The following PPP6R3 variants were observed in gnomAD, a reference collection of about 807,000 sequenced individuals.
The protein encoded by PPP6R3 is serine/threonine-protein phosphatase 6 regulatory subunit 3.
In PPP6R3, 38 loss-of-function variants were observed where a neutral mutation model predicts 110.7. The observed-to-expected ratio is 0.34, with a 90% CI of 0.26 to 0.45. PPP6R3 has a LOEUF of 0.45. Among genes scored for constraint, PPP6R3 ranks in the 20% least tolerant of loss-of-function variants. The probability of loss-of-function intolerance (pLI) is 1.00; values close to 1 mark genes in which losing one functional copy is unlikely to be tolerated. For synonymous variants in PPP6R3, 369 were observed against 373.5 expected, an observed-to-expected ratio of 0.99 and a Z score of 0.14; for missense variants, 870 against 1,062.4, an observed-to-expected ratio of 0.82 and a Z score of 2.52.
chr11:68,528,071 TTCTCTGTTC>T (rs1361485507), intron 2 of PPP6R3, among the ~76,000 whole-genome samples: 1 of 152,216 alleles, frequency 6.6e-6, no homozygotes, highest in Non-Finnish European at 1.5e-5. Context: ...TGTCTCTGTT[TTCTCTGTTC>T]TCAATTTTAT....
intron 22 of PPP6R3, among the ~76,000 whole-genome samples, chr11:68,605,570 C>T (rs1166206469): frequency 6.6e-6 from 1 of 152,108 alleles, no homozygotes; most frequent in African/African-American, 2.4e-5. Flanking sequence ...AGTATCTTTA[C>T]AGTTTGGGTG....
At chr11:68,507,806 G>A (rs2099086638) in intron 1 of PPP6R3, among the ~76,000 whole-genome samples, 1 of 152,174 alleles carries the variant, frequency 6.6e-6, no homozygotes, top group Non-Finnish European at 1.5e-5. Flanking sequence ...ATCTTTAGTT[G>A]TGTATGATAT....
At chr11:68,540,773 T>C (rs916362441) in intron 3 of PPP6R3, among the ~76,000 whole-genome samples, 2 of 152,238 alleles carry the variant, frequency 1.3e-5, no homozygotes, top group African/African-American at 4.8e-5. Flanking sequence ...AATTGAGCGA[T>C]ATTTCTCCCA....
chr11:68,581,283 A>G (rs1399707002), intron 14 of PPP6R3, among the ~76,000 whole-genome samples: 1 of 152,224 alleles, frequency 6.6e-6, no homozygotes, highest in Admixed American at 6.5e-5. Flanking sequence ...GAACATGCGA[A>G]GGGGAGGTCA....
chr11:68,546,262 T>C, intron 4 of PPP6R3, among the ~76,000 whole-genome samples: 1 of 152,236 alleles, frequency 6.6e-6, no homozygotes, highest in Admixed American at 6.5e-5. Context: ...CTGGCTGTTT[T>C]AGGAGAGTGG....
intron 10 of PPP6R3, among the ~76,000 whole-genome samples, chr11:68,569,065 T>C (rs113078128): frequency 2.6e-5 from 4 of 152,336 alleles, no homozygotes; most frequent in East Asian, 1.9e-4. Context: ...TGGCCTCTTA[T>C]AAATTTTTTT....
At chr11:68,491,604 C>T (rs1257909444) in intron 1 of PPP6R3, among the ~76,000 whole-genome samples, 6 of 152,052 alleles carry the variant, frequency 3.9e-5, no homozygotes, top group Admixed American at 3.9e-4. Context: ...CCTACTTCAG[C>T]CTCCTAAAGT....
At chr11:68,511,772 C>T (rs937932205) in intron 1 of PPP6R3, among the ~76,000 whole-genome samples, 5 of 122,128 alleles carry the variant, frequency 4.1e-5, no homozygotes, top group South Asian at 5.3e-4. Flanking sequence ...TGAGCCACTG[C>T]GCCCAGCCGT....
intron 3 of PPP6R3, among the ~76,000 whole-genome samples, chr11:68,539,453 G>A (rs779811684): frequency 6.6e-5 from 10 of 152,198 alleles, no homozygotes; most frequent in Non-Finnish European, 1.5e-4. Context: ...TGCCTTTGAG[G>A]TTGCAAGAGC....
At chr11:68,494,184 G>A (rs1429674540) in intron 1 of PPP6R3, among the ~76,000 whole-genome samples, 2 of 151,098 alleles carry the variant, frequency 1.3e-5, no homozygotes, top group African/African-American at 4.9e-5. Context: ...TTGATGTGAT[G>A]GTTACATCAT....
chr11:68,520,124 A>G (rs1166787021), intron 2 of PPP6R3, among the ~76,000 whole-genome samples: 2 of 152,176 alleles, frequency 1.3e-5, no homozygotes, highest in Non-Finnish European at 2.9e-5. Flanking sequence ...TTGAATTTGC[A>G]TATTTGACTT....
rs549021777 is a variant in PPP6R3 at position 68,607,994 on chromosome 11, C to T, written c.2451-1910C>T. 5.3e-5 allele frequency among the ~76,000 whole-genome samples: 8 copies of T among 150,690 alleles called. No individual in the cohort carries two copies. In the South Asian group the frequency reaches 1.5e-3, roughly 28 times the overall value. Reference sequence around the variant, plus strand: ...TTGTGGCCCAGGCTGATCTCAAACTCCTGGCTTCAAGTGAGCCTCCTTCCT... The same window carrying T: ...TTGTGGCCCAGGCTGATCTCAAACTTCTGGCTTCAAGTGAGCCTCCTTCCT... On this transcript the variant is annotated intron_variant, in intron 22 of 23. Coordinates refer to ENST00000393800, the MANE Select transcript of PPP6R3 (RefSeq NM_001164161.2).
At position 68,592,845 on chromosome 11, in the gene PPP6R3, G is replaced by A. The variant is rs148384874; in HGVS notation, c.1916+1139G>A. On this transcript the variant is annotated intron_variant, in intron 18 of 23. Transcript: ENST00000393800. ...CTTATGTTGAATGGATTCACTAAAT[G>A]ATGCTTGCCCACAGCATGACTAATA... Among the ~76,000 whole-genome samples the A allele has an allele frequency of 3.8e-3, 580 of 152,264 alleles. 2 individuals carry two copies. Among genetic ancestry groups the A allele is most frequent in the African/African-American group, 0.013 (556 of 41,536 alleles).
At chr11:68,581,608 A>G (rs1417764939) in intron 14 of PPP6R3, among the ~76,000 whole-genome samples, 1 of 152,228 alleles carries the variant, frequency 6.6e-6, no homozygotes, top group Non-Finnish European at 1.5e-5. Context: ...GCACTGCAGT[A>G]CAACCACTTG....
chr11:68,566,394 C>G (rs529515902), intron 9 of PPP6R3, among the ~76,000 whole-genome samples: 6 of 151,794 alleles, frequency 4.0e-5, no homozygotes, highest in Middle Eastern at 3.4e-3. Flanking sequence ...CAGTGTCTCA[C>G]TCTTGCTCAG....
At position 68,588,038 on chromosome 11, in the gene PPP6R3, T is replaced by C. The variant is rs755707918; in HGVS notation, c.1730+14T>C. On this transcript the variant is annotated intron_variant, in intron 16 of 23. Coordinates refer to ENST00000393800, the MANE Select transcript of PPP6R3 (RefSeq NM_001164161.2). ...TGACATTGGCAAGTGAGTATGTTTT[T>C]CTGTTTCCGCTGTTGCTCTTGCACA... is the stretch of plus-strand genomic sequence containing the variant. 1.2e-6 allele frequency: 2 copies of C among 1,604,358 alleles called. No individual in the cohort carries two copies. The highest frequency in any genetic ancestry group is 2.7e-5 in the African/African-American group (2 of 74,730).
intron 2 of PPP6R3, among the ~76,000 whole-genome samples, chr11:68,536,268 TTTG>T (rs1437851044): frequency 6.6e-6 from 1 of 152,060 alleles, no homozygotes; most frequent in Non-Finnish European, 1.5e-5. Context: ...GTGGGTTTTT[TTTG>T]TTTTGTTTTT....
intron 1 of PPP6R3, among the ~76,000 whole-genome samples, chr11:68,484,078 T>A (rs1341919792): frequency 2.0e-5 from 3 of 152,254 alleles, no homozygotes; most frequent in African/African-American, 7.2e-5. Flanking sequence ...CTGAATAATA[T>A]TCCATTGTCT....
rs1487408133 is a variant in PPP6R3, at chr11:68,551,119, A to T, written c.553-2A>T. On this transcript the variant is annotated splice_acceptor_variant, in intron 5 of 23. Transcript: ENST00000393800. LOFTEE classifies it high-confidence loss of function. The stretch of plus-strand genomic sequence containing the variant: ...TGATTACTTCTACAATGTGTTTTAC[A>T]GTGGTTAAATGAGGAGAAAATTATC... The T allele has an allele frequency of 6.2e-7, 1 of 1,600,040 alleles. No individual in the cohort carries two copies. Among genetic ancestry groups the T allele is most frequent in the African/African-American group, 1.3e-5 (1 of 74,578 alleles).
Sources: gnomAD v4.1 joint callset for allele counts (sites outside exome capture counted in the v4.1 genomes callset) on GRCh38, gnomAD v4.1.1 for gene constraint, MANE v1.5 for transcripts, NCBI Gene and HGNC (gene_info 2026-07-23, HGNC 2026-07-21) for gene names.